Variants in ITGAL observed in about 807,000 individuals in gnomAD.
The protein encoded by ITGAL is integrin alpha-L.
In ITGAL, 68 loss-of-function variants were observed where a neutral mutation model predicts 138.4. The ratio of observed to expected loss-of-function variants is 0.49; its 90% confidence interval spans 0.40 to 0.60. The LOEUF (loss-of-function observed/expected upper bound fraction) is 0.60, where lower values mean the gene tolerates loss of function less well. ITGAL is among the 20% of genes least tolerant of loss of function. ITGAL has a pLI of 0.00. For missense variants in ITGAL, 1,256 were observed against 1,478.6 expected (o/e 0.85, Z 2.47); for synonymous variants, 561 against 584.3 (o/e 0.96, Z 0.57).
Position 30,504,216 on chromosome 16 carries a change from G to A in ITGAL, c.2187G>A (p.Leu729=). The A allele has an allele frequency of 6.2e-7, 1 of 1,613,786 alleles. No homozygotes were observed. ...QDLISPINVS[L]NFSLWEEEGT... The stretch of plus-strand genomic sequence containing the variant: ...TCATCTCCCCCATCAATGTTTCCCT[G>A]AATTTCTCTCTTTGGGAGGAGGAAG... The change falls in exon 18 of 31, where the codon CTG becomes CTA. Residue 729 remains leucine (L), a synonymous_variant. Coordinates refer to ENST00000356798, the MANE Select transcript of ITGAL (RefSeq NM_002209.3).
chr16:30,494,380 G>C lies in ITGAL; in HGVS notation c.1365+17G>C. The C allele has an allele frequency of 6.3e-7, 1 of 1,585,728 alleles. No individual in the cohort carries two copies. The highest frequency in any genetic ancestry group is 8.6e-7 in the Non-Finnish European group (1 of 1,160,724). The stretch of plus-strand genomic sequence containing the variant: ...GGGACCCAGGTGCGCCCAGTCCGAG[G>C]GCATCTGCAGACCAGGGACTGGCGG... On this transcript the variant is annotated intron_variant, in intron 12 of 30. Transcript: ENST00000356798. This position sits in a 1 kb window ranked among gnomAD's most constrained non-coding sequence, Gnocchi z 4.2.
intron 5 of ITGAL, 32 bp from the exon 6 acceptor site, chr16:30,479,299 T>G: frequency 6.2e-7 from 1 of 1,613,642 alleles, no homozygotes; most frequent in Non-Finnish European, 8.5e-7. Flanking sequence ...CCAGAGATGC[T>G]TCACTGGGTC....
Position 30,518,676 on chromosome 16 carries a change from G to A in ITGAL, c.3185G>A (p.Ser1062Asn), listed in dbSNP as rs2051207592. 3 of 1,614,064 alleles carry A rather than the reference G, an allele frequency of 1.9e-6. No individual in the cohort carries two copies. The stretch of plus-strand genomic sequence containing the variant: ...TCCCTCTCCATCTCCTTCAACAGCA[G>A]CAAGCATTTCCACCTCTATGGCAGC... ...CSSLSISFNS[S>N]KHFHLYGSNA... Residue 1062 changes from serine (S) to asparagine (N), a missense_variant, in exon 29 of 31, where the codon AGC (serine) becomes AAC (asparagine). By Grantham distance (46) the Ser-to-Asn change is conservative. Coordinates refer to ENST00000356798, the MANE Select transcript of ITGAL (RefSeq NM_002209.3).
rs2050771145 is a variant in ITGAL at position 30,494,394 on chromosome 16, AGGGACT to A, written c.1365+34_1365+39del. 2.5e-6 allele frequency: 4 copies of A among 1,572,942 alleles called. No individual in the cohort carries two copies. Among genetic ancestry groups the A allele is most frequent in the Non-Finnish European group, 3.5e-6 (4 of 1,153,376 alleles). ...CCCAGTCCGAGGGCATCTGCAGACCAGGGACTGGCGGGACACACATCACACTCCCTT... is the reference window on the plus strand; with the variant it reads ...CCCAGTCCGAGGGCATCTGCAGACCAGGCGGGACACACATCACACTCCCTT... On this transcript the variant is annotated intron_variant, in intron 12 of 30. Transcript: ENST00000356798. The surrounding 1 kb of genome is among the most constrained non-coding windows in gnomAD (Gnocchi z 4.2).
Position 30,505,018 on chromosome 16 carries a change from T to TG in ITGAL, c.2236-226_2236-225insG, listed in dbSNP as rs531874072. The TG allele has an allele frequency of 7.6e-3, 1,889 of 249,538 alleles. 9 individuals are homozygous for TG. The highest frequency in any genetic ancestry group is 9.6e-3 in the Non-Finnish European group (1,342 of 139,072). The allele number at this position is 249,538 out of a possible 1,614,324, so 15.5% of individuals were successfully genotyped here. ...CCTGGGCAACAGAGTAAGACAGTCT[T>TG]AAAAAAAAAAAAAAAAAAGAGCTGC... On this transcript the variant is annotated intron_variant, in intron 18 of 30. Transcript: ENST00000356798.
intron 1 of ITGAL, among the ~76,000 whole-genome samples, chr16:30,473,798 G>GGGTA: frequency 6.6e-6 from 1 of 152,292 alleles, no homozygotes; most frequent in Non-Finnish European, 1.5e-5. Flanking sequence ...GGGAGGAGGC[G>GGGTA]CCTGGGCCCC....
At position 30,479,337 on chromosome 16, in the gene ITGAL, T is replaced by C; in HGVS notation, c.452T>C (p.Ile151Thr). 6.2e-7 allele frequency: 1 copy of C among 1,614,102 alleles called. No homozygotes were observed. The highest frequency in any genetic ancestry group is 8.5e-7 in the Non-Finnish European group (1 of 1,180,038). The change falls in exon 6 of 31, where the codon ATC becomes ACC. Residue 151 changes from isoleucine (I) to threonine (T), a missense_variant. Physicochemically the swap from Ile to Thr is moderately conservative, Grantham distance 89 (BLOSUM62 -1). This residue lies in a region of ITGAL where 212 missense variants were observed against 217.4 expected (regional missense o/e 0.98). Coordinates refer to ENST00000356798, the MANE Select transcript of ITGAL (RefSeq NM_002209.3). ...LQGRPGFQEC[I>T]KGNVDLVFLF... ...TTGCGTCTGGCTTCTGCAGAATGTATCAAGGGCAACGTAGACCTGGTATTT... is the reference window on the plus strand; with the variant it reads ...TTGCGTCTGGCTTCTGCAGAATGTACCAAGGGCAACGTAGACCTGGTATTT...
chr16:30,512,212 G>A (rs2051100546), intron 24 of ITGAL, among the ~76,000 whole-genome samples: 1 of 152,094 alleles, frequency 6.6e-6, no homozygotes, highest in Non-Finnish European at 1.5e-5. Flanking sequence ...ATGGGTAAAG[G>A]CCTCTTCAAC....
Position 30,510,388 on chromosome 16 carries a change from G to C in ITGAL, c.2536G>C (p.Glu846Gln). 1 of 1,612,344 alleles carries C rather than the reference G, an allele frequency of 6.2e-7. No homozygotes were observed. The highest frequency in any genetic ancestry group is 8.5e-7 in the Non-Finnish European group (1 of 1,178,390). ...CCATAGCCAGATACCTGTGAGCTGC[G>C]AGGAGCTTCCTGAAGAGTCCAGGCT... ...KPHSQIPVSC[E>Q]ELPEESRLLS... The change falls in exon 22 of 31, where the codon GAG (glutamate) becomes CAG (glutamine). Residue 846 changes from glutamate to glutamine, a missense_variant. Glu to Gln is a conservative substitution (Grantham distance 29, BLOSUM62 2). Coordinates refer to ENST00000356798, the MANE Select transcript of ITGAL (RefSeq NM_002209.3).
At chr16:30,489,010 C>G (rs749557536) in intron 9 of ITGAL, 72 bp from the exon 10 acceptor site, 3 of 1,282,648 alleles carry the variant, frequency 2.3e-6, no homozygotes, top group Admixed American at 3.4e-5. Context: ...ACTTCTTCCC[C>G]GTCCTGCCAT....
At position 30,511,096 on chromosome 16, in the gene ITGAL, A is replaced by C. The variant is rs1391808501; in HGVS notation, c.2746A>C (p.Ile916Leu). ...CCTGGAGGACAACTCAGCCACTACC[A>C]TCATCCCCATCCTGTACCCCATCAA... Reference protein sequence around the residue: ...DLLEDNSATTIIPILYPINIL... With the variant: ...DLLEDNSATTLIPILYPINIL... The change falls in exon 24 of 31, where the codon ATC becomes CTC. Residue 916 changes from isoleucine to leucine, a missense_variant. This residue lies in a region of ITGAL where 867 missense variants were observed against 972.5 expected (regional missense o/e 0.89). Coordinates refer to ENST00000356798, the MANE Select transcript of ITGAL (RefSeq NM_002209.3). The C allele has an allele frequency of 1.2e-6, 2 of 1,613,930 alleles. No individual in the cohort carries two copies. The highest frequency in any genetic ancestry group is 2.2e-5 in the South Asian group (2 of 91,060).
chr16:30,503,158 A>G (rs1597093777), intron 17 of ITGAL, among the ~76,000 whole-genome samples: 1 of 152,270 alleles, frequency 6.6e-6, no homozygotes, highest in Non-Finnish European at 1.5e-5. Context: ...ACACAAAACT[A>G]GAAAAAAAAT....
intron 11 of ITGAL, among the ~76,000 whole-genome samples, chr16:30,489,858 C>T (rs2050699892): frequency 6.6e-6 from 1 of 152,012 alleles, no homozygotes; most frequent in Admixed American, 6.6e-5. Flanking sequence ...AACGTTTGAA[C>T]CTGAGAGGAG....
intron 9 of ITGAL, among the ~76,000 whole-genome samples, chr16:30,485,168 CT>C (rs2050623080): frequency 7.2e-6 from 1 of 138,438 alleles, no homozygotes. Flanking sequence ...CTCCCCTCCC[CT>C]CTCCTCCCCT....
At chr16:30,490,069 A>G (rs539838810) in intron 11 of ITGAL, among the ~76,000 whole-genome samples, 2 of 151,848 alleles carry the variant, frequency 1.3e-5, no homozygotes, top group Non-Finnish European at 2.9e-5. Context: ...TCTACTAAAA[A>G]TACAAAAATT....
At chr16:30,516,885 G>A (rs2051173764) in intron 25 of ITGAL, 88 bp from the exon 26 acceptor site, 3 of 904,998 alleles carry the variant, frequency 3.3e-6, no homozygotes, top group Non-Finnish European at 5.6e-6. Context: ...AATGAGGACT[G>A]GAAGAGGCGT....
rs1396434673 is a variant in ITGAL, at chr16:30,496,431, C to G, written c.1702-5C>G. On this transcript the variant is annotated splice_polypyrimidine_tract_variant and splice_region_variant and intron_variant, in intron 14 of 30. Transcript: ENST00000356798. ...GCTTAGTGGCAATTTCTTTCTTGCT[C>G]TCAGCGGATAGAAGGGACCCAAGTG... 6 of 1,613,832 alleles carry G rather than the reference C, an allele frequency of 3.7e-6. No individual in the cohort carries two copies. Among genetic ancestry groups the G allele is most frequent in the Non-Finnish European group, 5.1e-6 (6 of 1,180,000 alleles).
At chr16:30,483,527 G>C (rs943653015) in intron 7 of ITGAL, among the ~76,000 whole-genome samples, 3 of 152,202 alleles carry the variant, frequency 2.0e-5, no homozygotes, top group African/African-American at 7.2e-5. Context: ...TGGCCATGTG[G>C]TTGCAATGGA....
chr16:30,481,895 T>G (rs1043632933), intron 7 of ITGAL, among the ~76,000 whole-genome samples: 5 of 152,068 alleles, frequency 3.3e-5, no homozygotes, highest in African/African-American at 7.2e-5. Flanking sequence ...TTTTGGTTTT[T>G]GTTTTTGTTT....
Sources: gnomAD v4.1 joint callset for allele counts (sites outside exome capture counted in the v4.1 genomes callset) on GRCh38, gnomAD v4.1.1 for gene constraint, gnomAD v4.1.1 regional missense constraint, Gnocchi (gnomAD v3.1) non-coding constraint, MANE v1.5 for transcripts, NCBI Gene and HGNC (gene_info 2026-07-23, HGNC 2026-07-21) for gene names.